WARS2: variants seen among roughly 807,000 people sequenced by gnomAD.
WARS2 encodes the protein tryptophanyl tRNA synthetase 2, mitochondrial, also known as tryptophan--tRNA ligase, mitochondrial.
Under a neutral mutation model 36.5 loss-of-function variants are expected in WARS2, and 28 were observed. The observed-to-expected ratio is 0.77, with a 90% CI of 0.57 to 1.05. The LOEUF is 1.05. WARS2 is among the 50% of genes least tolerant of loss of function. The probability of loss-of-function intolerance (pLI) is 0.00; values close to 1 mark genes in which losing one functional copy is unlikely to be tolerated. For missense variants in WARS2, 435 were observed against 456.8 expected, an observed-to-expected ratio of 0.95 and a Z score of 0.44; for synonymous variants, 174 against 178.4, an observed-to-expected ratio of 0.98 and a Z score of 0.20.
intron 1 of WARS2, among the ~76,000 whole-genome samples, chr1:119,079,373 T>C (rs1010842280): frequency 1.3e-5 from 2 of 152,168 alleles, no homozygotes; most frequent in Non-Finnish European, 2.9e-5. Context: ...TACGTATCAA[T>C]ATATTTTAGA....
At chr1:119,126,989 T>C (rs1655708951) in intron 1 of WARS2, 3 of 740,068 alleles carry the variant, frequency 4.1e-6, no homozygotes, top group Non-Finnish European at 7.4e-6. Context: ...GTAAGATCCA[T>C]GCCATGGAAG....
intron 1 of WARS2, among the ~76,000 whole-genome samples, chr1:119,114,842 G>A (rs995051917): frequency 5.3e-5 from 8 of 152,130 alleles, no homozygotes; most frequent in Non-Finnish European, 7.3e-5. Context: ...CAGCGTAGAT[G>A]GCTTCCAGCT....
At chr1:119,106,513 T>C (rs1654253006) in intron 1 of WARS2, among the ~76,000 whole-genome samples, 3 of 152,224 alleles carry the variant, frequency 2.0e-5, no homozygotes, top group South Asian at 2.1e-4. Context: ...GGCTTTTTAC[T>C]GTCCCCATAA....
chr1:119,059,322 T>C (rs1333241458), intron 2 of WARS2, among the ~76,000 whole-genome samples: 1 of 151,890 alleles, frequency 6.6e-6, no homozygotes, highest in South Asian at 2.1e-4. Flanking sequence ...AGATCCCATT[T>C]GTCAATTTTG....
intron 2 of WARS2, among the ~76,000 whole-genome samples, chr1:119,074,550 T>C (rs1355679062): frequency 6.6e-6 from 1 of 152,222 alleles, no homozygotes; most frequent in African/African-American, 2.4e-5. Flanking sequence ...CCTGACCAAC[T>C]ATAAGGAATG....
rs1648733523 is a variant in WARS2, at chr1:119,045,643, A to C, written c.368T>G (p.Leu123Ter). ...QQSQVSEHTQ[L>*]SWILSCMVRL... ...GACCATGCAGGAAAGGATCCAACTT[A>C]ATTGTGTGTGTTCAGACACCTAAAG... Residue 123 changes from leucine (L) to a stop codon, truncating the protein, a stop_gained, in exon 3 of 6, where the codon TTA becomes TGA. Transcript: ENST00000235521. LOFTEE classifies it high-confidence loss of function. The C allele has an allele frequency of 4.4e-6, 7 of 1,591,362 alleles. No individual in the cohort carries two copies. Among genetic ancestry groups the C allele is most frequent in the Non-Finnish European group, 5.1e-6 (6 of 1,165,662 alleles).
intron 1 of WARS2, among the ~76,000 whole-genome samples, chr1:119,094,839 C>T (rs1653300693): frequency 2.0e-5 from 3 of 152,070 alleles, no homozygotes; most frequent in Admixed American, 6.6e-5. Flanking sequence ...CTCTCCATTT[C>T]CTCCTTTACA....
rs763093010 is a variant in WARS2 at position 119,076,463 on chromosome 1, T to C, written c.235A>G (p.Ile79Val). The change falls in exon 2 of 6, where the codon ATT (isoleucine) becomes GTT (valine). Residue 79 changes from isoleucine to valine, a missense_variant. Coordinates refer to ENST00000235521, the MANE Select transcript of WARS2 (RefSeq NM_015836.4). ...ACAGCTGGGTCTTGGGGGACAGTAATGGAGTGGAGGTCAACAATGCTGTAT... is the reference window on the plus strand; with the variant it reads ...ACAGCTGGGTCTTGGGGGACAGTAACGGAGTGGAGGTCAACAATGCTGTAT... ...VLYSIVDLHS[I>V]TVPQDPAVLR... 12 of 1,614,140 alleles carry C rather than the reference T, an allele frequency of 7.4e-6. No homozygotes were observed. The highest frequency in any genetic ancestry group is 1.6e-4 in the Middle Eastern group (1 of 6,062).
chr1:119,099,191 C>T lies in WARS2; in HGVS notation c.91-22584G>A, dbSNP rs1285118355. Among the ~76,000 whole-genome samples the T allele has an allele frequency of 3.3e-5, 5 of 152,134 alleles. No individual in the cohort carries two copies. In the South Asian group the frequency reaches 8.3e-4, roughly 25 times the overall value. ...GTGTCATTTTCTCTTTTCTGGAAGA[C>T]AGCACTGCACATACCCCACGAGACA... On this transcript the variant is annotated intron_variant, in intron 1 of 5. Coordinates refer to ENST00000235521, the MANE Select transcript of WARS2 (RefSeq NM_015836.4).
chr1:119,085,264 C>T (rs1400372792), intron 1 of WARS2: 2 of 939,428 alleles, frequency 2.1e-6, no homozygotes, highest in Admixed American at 1.8e-5. Context: ...CGGTTCTCTG[C>T]CCAACCAGAG....
At position 119,042,419 on chromosome 1, in the gene WARS2, T is replaced by A. The variant is rs576502507; in HGVS notation, c.430-70A>T. On this transcript the variant is annotated intron_variant, in intron 3 of 5. Coordinates refer to ENST00000235521, the MANE Select transcript of WARS2 (RefSeq NM_015836.4). ...ACTTGAACCTAATTATACTGCTAGA[T>A]TAAGAAAATTTTAAAACAAGCAAAT... 28 of 1,437,878 alleles carry A rather than the reference T, an allele frequency of 1.9e-5. No individual in the cohort carries two copies. In the South Asian group the frequency reaches 3.1e-4, roughly 16 times the overall value. The allele number at this position is 1,437,878 out of a possible 1,614,324, so 89.1% of individuals were successfully genotyped here.
chr1:119,034,710 T>C (rs1447653826), intron 4 of WARS2, among the ~76,000 whole-genome samples: 1 of 152,202 alleles, frequency 6.6e-6, no homozygotes, highest in Non-Finnish European at 1.5e-5. Flanking sequence ...TAATTCAATA[T>C]TCTTTGGAGT....
intron 1 of WARS2, among the ~76,000 whole-genome samples, chr1:119,088,727 CA>C (rs1473061331): frequency 2.0e-5 from 3 of 152,144 alleles, no homozygotes; most frequent in African/African-American, 7.2e-5. Flanking sequence ...ACTTACTTGG[CA>C]AAGTCCAATT....
chr1:119,034,412 T>A (rs1402861057), intron 4 of WARS2, among the ~76,000 whole-genome samples, 199 bp from the exon 5 acceptor site: 1 of 152,184 alleles, frequency 6.6e-6, no homozygotes, highest in Non-Finnish European at 1.5e-5. Context: ...TCTACTCTAG[T>A]TGTGTTTTTT....
Position 119,032,831 on chromosome 1 carries a change from T to G in WARS2, c.*80A>C. On this transcript the variant is annotated 3_prime_UTR_variant, in exon 6 of 6. Transcript: ENST00000235521. ...ATTAAATGTCCCAAAACTATAACTT[T>G]TTCTTTTTAGGAAAGCTGCCGTTAT... The G allele has an allele frequency of 7.4e-7, 1 of 1,354,784 alleles. No homozygotes were observed. The highest frequency in any genetic ancestry group is 1.0e-6 in the Non-Finnish European group (1 of 989,894). The allele number at this position is 1,354,784 out of a possible 1,614,324, so 83.9% of individuals were successfully genotyped here. A position where few individuals can be genotyped will look rare whatever the true frequency, so the allele number is the denominator to read the frequency against.
chr1:119,098,864 G>C (rs151300871), intron 1 of WARS2, among the ~76,000 whole-genome samples: 83 of 152,186 alleles, frequency 5.5e-4, no homozygotes, highest in African/African-American at 1.9e-3. Flanking sequence ...AGCCTTCCGA[G>C]TAGTTGGGAT....
chr1:119,127,295 G>A, intron 1 of WARS2: 2 of 666,274 alleles, frequency 3.0e-6, no homozygotes, highest in East Asian at 3.1e-5. Flanking sequence ...CCTCCATGGT[G>A]CTGCTCAGAG....
intron 2 of WARS2, among the ~76,000 whole-genome samples, chr1:119,070,576 C>G (rs1213884802): frequency 7.6e-6 from 1 of 131,710 alleles, no homozygotes; most frequent in African/African-American, 2.9e-5. Flanking sequence ...CAGCCTTACA[C>G]ATTTAAAAAT....
chr1:119,048,961 G>A (rs934996779), intron 2 of WARS2, among the ~76,000 whole-genome samples: 2 of 152,186 alleles, frequency 1.3e-5, no homozygotes, highest in African/African-American at 4.8e-5. Context: ...TACTCGGGAG[G>A]CTGAGGCGGG....
Sources: allele counts gnomAD v4.1 joint callset (sites outside exome capture counted in the v4.1 genomes callset), GRCh38; gene constraint gnomAD v4.1.1; transcripts MANE v1.5; gene names NCBI Gene and HGNC (gene_info 2026-07-23, HGNC 2026-07-21).